The following PAPPA variants were observed in gnomAD, a reference collection of about 807,000 sequenced individuals.
The protein encoded by PAPPA is pappalysin-1.
PAPPA carries 60 observed loss-of-function variants against 164.0 expected under a neutral mutation model. The observed-to-expected ratio is 0.37, with a 90% CI of 0.30 to 0.45. The LOEUF (loss-of-function observed/expected upper bound fraction) is 0.45, where lower values mean the gene tolerates loss of function less well. PAPPA is among the 20% of genes least tolerant of loss of function. The pLI, the probability that PAPPA is intolerant of heterozygous loss-of-function variation, is 1.00. For missense variants in PAPPA, 1,782 were observed against 2,087.3 expected (o/e 0.85, Z 2.85); for synonymous variants, 875 against 814.1 (o/e 1.07, Z -1.27).
chr9:116,354,268 C>G (rs906900034), intron 17 of PAPPA, among the ~76,000 whole-genome samples: 1 of 152,102 alleles, frequency 6.6e-6, no homozygotes, highest in African/African-American at 2.4e-5. Flanking sequence ...TATCTCAATC[C>G]ACATGTAACT....
intron 7 of PAPPA, among the ~76,000 whole-genome samples, chr9:116,252,358 A>G (rs952127555): frequency 1.3e-5 from 2 of 152,164 alleles, no homozygotes; most frequent in African/African-American, 4.8e-5. Flanking sequence ...AATCCAGACA[A>G]TGGGTTGGAG....
chr9:116,306,917 C>T lies in PAPPA; in HGVS notation c.3147+3967C>T, dbSNP rs1001186063. Among the ~76,000 whole-genome samples the T allele has an allele frequency of 2.6e-5, 4 of 152,308 alleles. 1 individual carries two copies. The South Asian group carries it at 6.2e-4, about 24-fold the overall frequency. On this transcript the variant is annotated intron_variant, in intron 10 of 21. Coordinates refer to ENST00000328252, the MANE Select transcript of PAPPA (RefSeq NM_002581.5). ...GACTATCTGGAATTTACAGTGCTCT[C>T]CTAAGGGATTACAGACCTTCAGTCA...
intron 10 of PAPPA, among the ~76,000 whole-genome samples, chr9:116,319,379 G>GA (rs1416854751): frequency 1.3e-5 from 2 of 152,218 alleles, no homozygotes; most frequent in Non-Finnish European, 2.9e-5. Context: ...CCAATGCCTG[G>GA]CTGTACTGTC....
At chr9:116,168,124 G>C (rs571975364) in intron 1 of PAPPA, among the ~76,000 whole-genome samples, 3 of 152,216 alleles carry the variant, frequency 2.0e-5, no homozygotes, top group African/African-American at 7.2e-5. Context: ...TCATACAGCT[G>C]TTTAATAACT....
intron 7 of PAPPA, among the ~76,000 whole-genome samples, chr9:116,249,381 G>T (rs1844833500): frequency 6.6e-6 from 1 of 152,096 alleles, no homozygotes; most frequent in Admixed American, 6.5e-5. Flanking sequence ...TTTGAGCAAA[G>T]AGGCCAGAGA....
At chr9:116,155,817 G>GC (rs1186871249) in intron 1 of PAPPA, among the ~76,000 whole-genome samples, 1 of 151,910 alleles carries the variant, frequency 6.6e-6, no homozygotes, top group African/African-American at 2.4e-5. Context: ...GTCTCCCGAA[G>GC]CCCCCGCTTT....
At chr9:116,340,512 G>T (rs1176740315) in intron 13 of PAPPA, among the ~76,000 whole-genome samples, 5 of 152,196 alleles carry the variant, frequency 3.3e-5, no homozygotes, top group Non-Finnish European at 7.3e-5. Flanking sequence ...CTACCTCAAG[G>T]AGTTGCTGTG....
intron 21 of PAPPA, among the ~76,000 whole-genome samples, chr9:116,386,822 C>G (rs1255974904): frequency 6.6e-6 from 1 of 152,160 alleles, no homozygotes; most frequent in African/African-American, 2.4e-5. Flanking sequence ...GAAGATAAGT[C>G]TCCCAGCCTT....
intron 10 of PAPPA, among the ~76,000 whole-genome samples, chr9:116,303,800 A>G (rs1051492185): frequency 2.6e-5 from 4 of 152,198 alleles, no homozygotes; most frequent in African/African-American, 9.6e-5. Context: ...CCTGGCTTCT[A>G]GATGAAAGAA....
chr9:116,252,172 A>G (rs1587972616), intron 7 of PAPPA, among the ~76,000 whole-genome samples: 1 of 152,350 alleles, frequency 6.6e-6, no homozygotes, highest in Admixed American at 6.5e-5. Flanking sequence ...TTAATCAGTC[A>G]CATGTACACA....
chr9:116,257,220 T>G (rs1844938368), intron 7 of PAPPA, among the ~76,000 whole-genome samples: 1 of 152,022 alleles, frequency 6.6e-6, no homozygotes, highest in Admixed American at 6.5e-5. Context: ...GTGAATTAAA[T>G]AATTTTTAAA....
intron 5 of PAPPA, among the ~76,000 whole-genome samples, chr9:116,226,539 C>T (rs1410822756): frequency 6.6e-6 from 1 of 152,190 alleles, no homozygotes; most frequent in East Asian, 1.9e-4. Context: ...TGGGACATTT[C>T]TCGACGTCTT....
chr9:116,343,014 C>G (rs527663567), intron 13 of PAPPA, among the ~76,000 whole-genome samples: 31 of 152,282 alleles, frequency 2.0e-4, no homozygotes, highest in East Asian at 1.2e-3. Flanking sequence ...TTTCTCTGCC[C>G]TCAAGGACGT....
intron 5 of PAPPA, among the ~76,000 whole-genome samples, chr9:116,222,228 T>C (rs1564189498): frequency 1.3e-5 from 2 of 152,170 alleles, no homozygotes. Context: ...TAGGAGTCCA[T>C]CATCAGATGA....
intron 21 of PAPPA, among the ~76,000 whole-genome samples, chr9:116,395,580 T>C (rs1039765218): frequency 4.6e-5 from 7 of 152,200 alleles, no homozygotes; most frequent in African/African-American, 1.7e-4. Flanking sequence ...TTTGGAAAGA[T>C]AGATTATCTC....
intron 3 of PAPPA, among the ~76,000 whole-genome samples, chr9:116,210,207 C>A (rs1422002759): frequency 2.0e-5 from 3 of 152,176 alleles, no homozygotes; most frequent in Non-Finnish European, 4.4e-5. Context: ...CACTCACATG[C>A]CCTCTCACAC....
intron 9 of PAPPA, among the ~76,000 whole-genome samples, chr9:116,294,765 A>G (rs1222588342): frequency 6.6e-6 from 1 of 152,212 alleles, no homozygotes; most frequent in African/African-American, 2.4e-5. Flanking sequence ...CCATCTCTAA[A>G]TAAACAGCTA....
chr9:116,289,109 G>A (rs1418538558), intron 9 of PAPPA, among the ~76,000 whole-genome samples: 1 of 84,296 alleles, frequency 1.2e-5, no homozygotes, highest in African/African-American at 4.6e-5. Context: ...TTGCAGAATA[G>A]ATATGCATAT....
In PAPPA at chr9:116,235,198, G is replaced by A; in HGVS notation, c.2293G>A (p.Ala765Thr). The A allele has an allele frequency of 6.2e-7, 1 of 1,614,132 alleles. No homozygotes were observed. Among genetic ancestry groups the A allele is most frequent in the Non-Finnish European group, 8.5e-7 (1 of 1,180,016 alleles). Residue 765 changes from alanine to threonine, a missense_variant, in exon 7 of 22, where the codon GCT becomes ACT. By Grantham distance (58) the Ala-to-Thr change is moderately conservative. Coordinates refer to ENST00000328252, the MANE Select transcript of PAPPA (RefSeq NM_002581.5). The part of the protein sequence containing the change: ...SSVRTWSPNS[A>T]VNPHTVPPAC... Reference sequence around the variant, plus strand: ...TGTCCGCACCTGGAGCCCAAATTCAGCTGTCAACCCACACACGGTTCCTCC... The same window carrying A: ...TGTCCGCACCTGGAGCCCAAATTCAACTGTCAACCCACACACGGTTCCTCC...
Sources: allele counts gnomAD v4.1 joint callset (sites outside exome capture counted in the v4.1 genomes callset), GRCh38; gene constraint gnomAD v4.1.1; transcripts MANE v1.5; gene names NCBI Gene and HGNC (gene_info 2026-07-23, HGNC 2026-07-21).